The following HNF4G variants were observed in gnomAD, a reference collection of about 807,000 sequenced individuals.
The protein encoded by HNF4G is hepatocyte nuclear factor 4-gamma.
Under a neutral mutation model 50.9 loss-of-function variants are expected in HNF4G, and 21 were observed. The observed-to-expected ratio is 0.41, with a 90% CI of 0.29 to 0.59. HNF4G has a LOEUF of 0.59. Ranked by LOEUF, HNF4G falls within the 20% of genes least tolerant of loss-of-function variation. The pLI, the probability that HNF4G is intolerant of heterozygous loss-of-function variation, is 0.26. For missense variants in HNF4G, 527 were observed against 559.4 expected (o/e 0.94, Z 0.58); for synonymous variants, 198 against 185.6 (o/e 1.07, Z -0.54).
chr8:75,483,355 A>G (rs1812423738), intron 1 of HNF4G, among the ~76,000 whole-genome samples: 1 of 152,034 alleles, frequency 6.6e-6, no homozygotes, highest in Non-Finnish European at 1.5e-5. Context: ...GGCCCAGGGC[A>G]TGACTGCATT....
chr8:75,453,881 G>C (rs186575599), intron 1 of HNF4G, among the ~76,000 whole-genome samples: 1 of 152,242 alleles, frequency 6.6e-6, no homozygotes, highest in East Asian at 1.9e-4. Flanking sequence ...AAATTCATAT[G>C]TTAAAATCCT....
chr8:75,442,436 C>T (rs913221267), intron 1 of HNF4G, among the ~76,000 whole-genome samples: 1 of 152,000 alleles, frequency 6.6e-6, no homozygotes, highest in African/African-American at 2.4e-5. Context: ...TGGCCCAGCG[C>T]AATGGCTCAT....
chr8:75,494,610 A>G (rs987916835), intron 2 of HNF4G, among the ~76,000 whole-genome samples: 13 of 152,134 alleles, frequency 8.5e-5, no homozygotes, highest in Non-Finnish European at 1.3e-4. Flanking sequence ...CTTATCAAGG[A>G]CCAGTATTGT....
intron 1 of HNF4G, among the ~76,000 whole-genome samples, chr8:75,477,399 C>T (rs919630758): frequency 1.3e-5 from 2 of 152,020 alleles, no homozygotes; most frequent in African/African-American, 2.4e-5. Flanking sequence ...TCTACATTTA[C>T]AGTCAAATTC....
intron 1 of HNF4G, among the ~76,000 whole-genome samples, chr8:75,417,960 TAC>T (rs144672882): frequency 0.16 from 23,314 of 148,424 alleles, 2,381 homozygotes; most frequent in African/African-American, 0.28. Flanking sequence ...TGTGTGTGTC[TAC>T]ACACACACAC....
chr8:75,558,121 C>CT (rs1807185045), intron 6 of HNF4G, among the ~76,000 whole-genome samples: 1 of 152,058 alleles, frequency 6.6e-6, no homozygotes, highest in African/African-American at 2.4e-5. Flanking sequence ...TATCAAAGTG[C>CT]TGTTTTTAAT....
chr8:75,544,377 A>T (rs1025441084), intron 2 of HNF4G, among the ~76,000 whole-genome samples: 2 of 152,156 alleles, frequency 1.3e-5, no homozygotes, highest in Non-Finnish European at 1.5e-5. Flanking sequence ...TAAACATTTT[A>T]AAATCTGCAT....
Position 75,551,436 on chromosome 8 carries a change from A to G in HNF4G, c.431A>G (p.Asp144Gly). The G allele has an allele frequency of 6.2e-7, 1 of 1,613,590 alleles. No homozygotes were observed. Among genetic ancestry groups the G allele is most frequent in the Non-Finnish European group, 8.5e-7 (1 of 1,179,620 alleles). ...ATAAGCACCAGAAGAAGCACATTTG[A>G]TGGCAGCAACATCCCCTCCATTAAC... ...DRISTRRSTF[D>G]GSNIPSINTL... The change falls in exon 4 of 10, where the codon GAT becomes GGT. Residue 144 changes from aspartate (D) to glycine (G), a missense_variant. Asp to Gly is a moderately conservative substitution (Grantham distance 94, BLOSUM62 -1). Around this residue, in one of 5 missense-constraint regions of HNF4G, gnomAD observed 128 missense variants for 135.3 expected, o/e 0.95. Transcript: ENST00000396423.
chr8:75,500,318 A>G (rs1322901581), intron 2 of HNF4G, among the ~76,000 whole-genome samples: 1 of 152,178 alleles, frequency 6.6e-6, no homozygotes, highest in Non-Finnish European at 1.5e-5. Flanking sequence ...AAACAATGAG[A>G]CAATGCTTTA....
intron 2 of HNF4G, among the ~76,000 whole-genome samples, chr8:75,545,401 G>GT (rs1430111849): frequency 6.6e-6 from 1 of 151,998 alleles, no homozygotes; most frequent in Non-Finnish European, 1.5e-5. Context: ...GCTTTTAGAG[G>GT]TTTAAAAAAT....
chr8:75,471,056 G>A (rs1261360600), intron 1 of HNF4G, among the ~76,000 whole-genome samples: 2 of 152,108 alleles, frequency 1.3e-5, no homozygotes, highest in Non-Finnish European at 2.9e-5. Flanking sequence ...TGATCTTCCT[G>A]ATAAAGTCCT....
In HNF4G at chr8:75,565,589, A is replaced by AT. The variant is rs1807440613; in HGVS notation, c.*1494dup. ...AAACAAATGAAGCATGGGCCACCTC[A>AT]TGATGCAGTGGCTCCTCTCTGGTTG... On this transcript the variant is annotated 3_prime_UTR_variant, in exon 10 of 10. Transcript: ENST00000396423. 6.6e-6 allele frequency: 1 copy of AT among 152,144 alleles called. No homozygotes were observed. Among genetic ancestry groups the AT allele is most frequent in the African/African-American group, 2.4e-5 (1 of 41,444 alleles). 9.4% of individuals were successfully genotyped at this position (152,144 alleles called of 1,614,324 possible).
intron 2 of HNF4G, among the ~76,000 whole-genome samples, chr8:75,497,226 A>T (rs1324593827): frequency 6.6e-6 from 1 of 152,136 alleles, no homozygotes; most frequent in African/African-American, 2.4e-5. Context: ...GGTCATTAAA[A>T]TACATTTAAT....
chr8:75,496,438 A>G (rs944546724), intron 2 of HNF4G, among the ~76,000 whole-genome samples: 1 of 151,678 alleles, frequency 6.6e-6, no homozygotes, highest in Admixed American at 6.6e-5. Flanking sequence ...ATTTTTCCTG[A>G]GTCTGTCAAA....
chr8:75,450,112 T>C (rs1811552051), intron 1 of HNF4G, among the ~76,000 whole-genome samples: 1 of 152,196 alleles, frequency 6.6e-6, no homozygotes, highest in Non-Finnish European at 1.5e-5. Context: ...GTGACAGATG[T>C]CTTTCTGTGC....
intron 1 of HNF4G, among the ~76,000 whole-genome samples, chr8:75,441,108 A>T (rs1811270205): frequency 6.6e-6 from 1 of 152,134 alleles, no homozygotes. Context: ...AATTTTAAAA[A>T]TATTGCGTGG....
chr8:75,469,335 G>A (rs933000162), intron 1 of HNF4G, among the ~76,000 whole-genome samples: 2 of 152,156 alleles, frequency 1.3e-5, no homozygotes, highest in African/African-American at 4.8e-5. Context: ...ATAGCACAGG[G>A]TGTGGAGGTA....
At position 75,448,365 on chromosome 8, in the gene HNF4G, C is replaced by T. The variant is rs1386261647; in HGVS notation, c.-144+40203C>T. ...GAGTTGGTGCAGCGCACCAGCATGG[C>T]ACATGTATACATATGTAACTAACCT... is the stretch of plus-strand genomic sequence containing the variant. On this transcript the variant is annotated intron_variant, in intron 1 of 10. Transcript: ENST00000354370. Among the ~76,000 whole-genome samples, 5 of 141,990 alleles carry T rather than the reference C, an allele frequency of 3.5e-5. No individual in the cohort carries two copies. The East Asian group carries it at 1.1e-3, about 30-fold the overall frequency. 93.2% of individuals were successfully genotyped at this position (141,990 alleles called of 152,430 possible).
chr8:75,530,701 T>C (rs1358830928), intron 2 of HNF4G, among the ~76,000 whole-genome samples: 1 of 151,874 alleles, frequency 6.6e-6, no homozygotes, highest in Non-Finnish European at 1.5e-5. Context: ...TGCACTAGAA[T>C]ATGTATCTGA....
Sources: gnomAD v4.1 joint callset for allele counts (sites outside exome capture counted in the v4.1 genomes callset) on GRCh38, gnomAD v4.1.1 for gene constraint, gnomAD v4.1.1 regional missense constraint, MANE v1.5 for transcripts, NCBI Gene and HGNC (gene_info 2026-07-23, HGNC 2026-07-21) for gene names.